The following KANSL1 variants were observed in gnomAD, a reference collection of about 807,000 sequenced individuals.
KANSL1 encodes the protein KAT8 regulatory NSL complex subunit 1, also known as MLL1/MLL complex subunit KANSL1.
Under a neutral mutation model 103.6 loss-of-function variants are expected in KANSL1, and 22 were observed. That is an observed-to-expected ratio of 0.21 (90% CI 0.15 to 0.30). KANSL1 has a LOEUF of 0.30. Among genes scored for constraint, KANSL1 ranks in the 10% least tolerant of loss-of-function variants. The probability of loss-of-function intolerance (pLI) is 1.00; values close to 1 mark genes in which losing one functional copy is unlikely to be tolerated. For synonymous variants in KANSL1, 600 were observed against 527.6 expected, an observed-to-expected ratio of 1.14 and a Z score of -1.88; for missense variants, 1,337 against 1,399.8, an observed-to-expected ratio of 0.96 and a Z score of 0.72.
At chr17:46,149,004 CTTT>C (rs77731269) in intron 2 of KANSL1, among the ~76,000 whole-genome samples, 11 of 121,284 alleles carry the variant, frequency 9.1e-5, no homozygotes, top group Admixed American at 1.7e-4. Flanking sequence ...CTCTTTTTTT[CTTT>C]TTTTTTTTTT....
intron 4 of KANSL1, among the ~76,000 whole-genome samples, chr17:46,077,364 T>A (rs990936049): frequency 6.6e-6 from 1 of 151,710 alleles, no homozygotes; most frequent in Non-Finnish European, 1.5e-5. Context: ...ACAATATTTT[T>A]AGGATATATT....
intron 2 of KANSL1, among the ~76,000 whole-genome samples, chr17:46,102,310 C>T (rs1286776359): frequency 6.6e-6 from 1 of 152,126 alleles, no homozygotes; most frequent in Admixed American, 6.5e-5. Context: ...AGTGCAGAGG[C>T]ACGATCTCAG....
At chr17:46,186,512 C>A (rs2047043064) in intron 1 of KANSL1, among the ~76,000 whole-genome samples, 1 of 152,070 alleles carries the variant, frequency 6.6e-6, no homozygotes, top group African/African-American at 2.4e-5. Context: ...TTTAAAAGTA[C>A]ATTTTTCCAA....
In KANSL1 at chr17:46,039,175, C is replaced by A; in HGVS notation, c.2244G>T (p.Arg748Ser). The A allele has an allele frequency of 6.2e-7, 1 of 1,602,910 alleles. No homozygotes were observed. The highest frequency in any genetic ancestry group is 1.8e-5 in the Admixed American group (1 of 56,386). Residue 748 changes from arginine (R) to serine (S), a missense_variant, in exon 9 of 15, where the codon AGG becomes AGT. Arg to Ser is a moderately radical substitution (Grantham distance 110). Coordinates refer to ENST00000432791, the MANE Select transcript of KANSL1 (RefSeq NM_015443.4). ...HHQTRPDRTH[R>S]QHLDDVGAVP... ...CGGCCCCCACATCGTCTAAGTGCTG[C>A]CTGTGGGTCCTGTCAGGCCGGGTTT...
intron 1 of KANSL1, 32 bp from the exon 2 acceptor site, chr17:46,172,264 A>G: frequency 1.0e-6 from 1 of 969,664 alleles, no homozygotes; most frequent in Non-Finnish European, 1.5e-6. Context: ...AATATTAGAA[A>G]TACAAGCACT....
intron 7 of KANSL1, chr17:46,040,191 T>C (rs2077270436): frequency 2.5e-6 from 1 of 397,634 alleles, no homozygotes; most frequent in South Asian, 5.5e-5. Context: ...AAACATCCTG[T>C]TTCTATTCTA....
At chr17:46,105,806 G>T (rs1379569293) in intron 2 of KANSL1, among the ~76,000 whole-genome samples, 2 of 151,720 alleles carry the variant, frequency 1.3e-5, no homozygotes, top group African/African-American at 4.9e-5. Flanking sequence ...GGGAGGTCAA[G>T]GCTGCAGTGA....
At chr17:46,141,859 G>A (rs1274565841) in intron 2 of KANSL1, among the ~76,000 whole-genome samples, 1 of 152,176 alleles carries the variant, frequency 6.6e-6, no homozygotes, top group Non-Finnish European at 1.5e-5. Context: ...AACAAAAAAC[G>A]CTCTGATGAA....
chr17:46,083,417 G>T (rs535292189), intron 3 of KANSL1, among the ~76,000 whole-genome samples: 1 of 152,088 alleles, frequency 6.6e-6, no homozygotes, highest in African/African-American at 2.4e-5. Flanking sequence ...GCTCTTAATG[G>T]AAATTTATTA....
chr17:46,102,440 G>T (rs748965769), intron 2 of KANSL1, among the ~76,000 whole-genome samples: 8 of 152,066 alleles, frequency 5.3e-5, no homozygotes, highest in Non-Finnish European at 1.0e-4. Context: ...AGTAGAGATG[G>T]GGTTTTGCCG....
In KANSL1 at chr17:46,031,556, G is replaced by A. The variant is rs199769766; in HGVS notation, c.3238C>T (p.Pro1080Ser). 36 of 1,613,980 alleles carry A rather than the reference G, an allele frequency of 2.2e-5. No homozygotes were observed. The highest frequency in any genetic ancestry group is 3.0e-5 in the Non-Finnish European group (35 of 1,180,024). The stretch of plus-strand genomic sequence containing the variant: ...AGGGGGACAATGGGAGGCGAGGTGG[G>A]CGCTGCCTCTGTCTCCCGGCCAGTC... The part of the protein sequence containing the change: ...SKTGRETEAA[P>S]TSPPIVPLKS... Residue 1080 changes from proline (P) to serine (S), a missense_variant, in exon 15 of 15, where the codon CCC becomes TCC. By Grantham distance (74) the Pro-to-Ser change is moderately conservative (BLOSUM62 -1). Coordinates refer to ENST00000432791, the MANE Select transcript of KANSL1 (RefSeq NM_015443.4).
chr17:46,038,938 G>A, intron 9 of KANSL1, 89 bp downstream of exon 9: 1 of 1,475,782 alleles, frequency 6.8e-7, no homozygotes, highest in Non-Finnish European at 9.2e-7. Flanking sequence ...GAAGGACAAA[G>A]CTGGGGGTAA....
At chr17:46,102,560 T>C (rs1331629281) in intron 2 of KANSL1, among the ~76,000 whole-genome samples, 1 of 152,204 alleles carries the variant, frequency 6.6e-6, no homozygotes, top group African/African-American at 2.4e-5. Flanking sequence ...CCAGAGCCAA[T>C]TCTACCTAAA....
chr17:46,128,061 C>T (rs1254031065), intron 2 of KANSL1, among the ~76,000 whole-genome samples: 1 of 152,118 alleles, frequency 6.6e-6, no homozygotes, highest in African/African-American at 2.4e-5. Flanking sequence ...AGTGATGCTC[C>T]TGCCTGGGCT....
At chr17:46,064,217 C>A (rs945293545) in intron 6 of KANSL1, among the ~76,000 whole-genome samples, 6 of 152,098 alleles carry the variant, frequency 3.9e-5, no homozygotes, top group African/African-American at 1.4e-4. Context: ...TTCTACAATT[C>A]TTTTCTTTAA....
intron 1 of KANSL1, among the ~76,000 whole-genome samples, chr17:46,208,391 C>T (rs546375522): frequency 3.3e-5 from 5 of 152,146 alleles, no homozygotes; most frequent in Non-Finnish European, 5.9e-5. Flanking sequence ...GCCACAGCAT[C>T]GCTTGAGCTC....
chr17:46,187,813 T>C (rs1408116783), intron 1 of KANSL1, among the ~76,000 whole-genome samples: 1 of 151,652 alleles, frequency 6.6e-6, no homozygotes, highest in Non-Finnish European at 1.5e-5. Flanking sequence ...AAAATCTTCA[T>C]ATAAAATGTT....
chr17:46,193,464 A>C (rs1228548350), upstream of KANSL1: 3 of 151,346 alleles, frequency 2.0e-5, no homozygotes, highest in Admixed American at 2.0e-4. Context: ...CGCCGGGGAC[A>C]CGGGGAGGAG....
At chr17:46,128,454 A>G (rs1463038335) in intron 2 of KANSL1, among the ~76,000 whole-genome samples, 1 of 152,238 alleles carries the variant, frequency 6.6e-6, no homozygotes, top group Non-Finnish European at 1.5e-5. Context: ...GCCAAAAAAA[A>G]GTGTGTGTAT....
Sources: allele counts gnomAD v4.1 joint callset (sites outside exome capture counted in the v4.1 genomes callset), GRCh38; gene constraint gnomAD v4.1.1; transcripts MANE v1.5; gene names NCBI Gene and HGNC (gene_info 2026-07-23, HGNC 2026-07-21).